The following ATN1 variants were observed in gnomAD, a reference collection of about 807,000 sequenced individuals.
ATN1 encodes atrophin 1, also known as atrophin-1.
ATN1 carries 19 observed loss-of-function variants against 85.8 expected under a neutral mutation model. The observed-to-expected ratio is 0.22, with a 90% confidence interval of 0.15 to 0.32. The LOEUF is 0.32. Ranked by LOEUF, ATN1 falls within the 10% of genes least tolerant of loss-of-function variation. The pLI, the probability that ATN1 is intolerant of heterozygous loss-of-function variation, is 1.00. For missense variants in ATN1, 1,453 were observed against 1,564.5 expected (o/e 0.93, Z 1.20); for synonymous variants, 674 against 657.0 (o/e 1.03, Z -0.39).
At position 6,936,503 on chromosome 12, in the gene ATN1, C is replaced by T. The variant is rs1555143696; in HGVS notation, c.1236C>T (p.Phe412=). The part of the protein sequence containing the change: ...SQALPSYPHS[F]PPPTSLSVSN... ...CATTGCCCAGCTACCCCCACTCTTT[C>T]CCTCCCCCAACAAGCCTCTCTGTCT... Residue 412 remains phenylalanine, a synonymous_variant, in exon 5 of 10, where the codon TTC becomes TTT. Coordinates refer to ENST00000396684, the MANE Select transcript of ATN1 (RefSeq NM_001940.4). 2.6e-6 allele frequency: 4 copies of T among 1,545,376 alleles called. No homozygotes were observed.
upstream of ATN1, among the ~76,000 whole-genome samples, chr12:6,924,944 CAACCCCCAAAGT>C (rs1168424668): frequency 6.6e-6 from 1 of 152,136 alleles, no homozygotes; most frequent in Non-Finnish European, 1.5e-5. Context: ...TCTGGCCCCC[CAACCCCCAAAGT>C]ATCGGGGTTG....
Position 6,934,244 on chromosome 12 carries a change from G to C in ATN1, c.96G>C (p.Arg32=). 1 of 1,587,320 alleles carries C rather than the reference G, an allele frequency of 6.3e-7. No homozygotes were observed. Among genetic ancestry groups the C allele is most frequent in the Non-Finnish European group, 8.5e-7 (1 of 1,173,524 alleles). ...GGGAAGAACTGAGATCGAGGGGCCG[G>C]GCCTCCCCTGGAGGGGTCAGCACGT... The part of the protein sequence containing the change: ...GPREELRSRG[R]ASPGGVSTSS... The change falls in exon 3 of 10, where the codon CGG becomes CGC. Residue 32 remains arginine, a synonymous_variant. Transcript: ENST00000396684. The surrounding 1 kb of genome is among the most constrained non-coding windows in gnomAD (Gnocchi z 4.5).
At chr12:6,925,141 T>TGTGTGTGA (rs1445451270), upstream of ATN1, among the ~76,000 whole-genome samples, 1,345 of 147,592 alleles carry the variant, frequency 9.1e-3, 13 homozygotes, top group African/African-American at 0.028. Flanking sequence ...TGTGTGTGTG[T>TGTGTGTGA]GAGAGAGAGA....
At chr12:6,926,530 A>G (rs1260718379), upstream of ATN1, among the ~76,000 whole-genome samples, 1 of 150,600 alleles carries the variant, frequency 6.6e-6, no homozygotes, top group Non-Finnish European at 1.5e-5. Flanking sequence ...GCTGGAGTGC[A>G]GTGGCGCGAT....
chr12:6,937,760 A>T lies in ATN1; in HGVS notation c.2295-85A>T. On this transcript the variant is annotated intron_variant, in intron 5 of 9. Transcript: ENST00000396684. This position sits in a 1 kb window ranked among gnomAD's most constrained non-coding sequence, Gnocchi z 6.0. ...CAGGGGTGGTTTTGAGGCGGGGGCT[A>T]CAAGCACTCGCCGGGGCCGCGGCGC... is the stretch of plus-strand genomic sequence containing the variant. 1 of 1,465,120 alleles carries T rather than the reference A, an allele frequency of 6.8e-7. No homozygotes were observed. The highest frequency in any genetic ancestry group is 9.0e-7 in the Non-Finnish European group (1 of 1,110,580). 90.8% of individuals were successfully genotyped at this position (1,465,120 alleles called of 1,614,324 possible).
upstream of ATN1, among the ~76,000 whole-genome samples, chr12:6,925,141 TGAGAGAGAGAGAGA>T (rs112382496): frequency 2.0e-5 from 3 of 147,552 alleles, no homozygotes; most frequent in African/African-American, 7.6e-5. Context: ...TGTGTGTGTG[TGAGAGAGAGAGAGA>T]GAGATGTCCC....
Position 6,938,520 on chromosome 12 carries a change from T to C in ATN1, c.2557T>C (p.Ser853Pro), listed in dbSNP as rs782740518. The C allele has an allele frequency of 1.9e-6, 3 of 1,613,486 alleles. No individual in the cohort carries two copies. The highest frequency in any genetic ancestry group is 1.7e-5 in the Admixed American group (1 of 60,016). The change falls in exon 7 of 10, where the codon TCT (serine) becomes CCT (proline). Residue 853 changes from serine (S) to proline (P), a missense_variant. Ser to Pro is a moderately conservative substitution (Grantham distance 74, BLOSUM62 -1). Around this residue, in one of 6 missense-constraint regions of ATN1, gnomAD observed 990 missense variants for 914.8 expected, o/e 1.08. Coordinates refer to ENST00000396684, the MANE Select transcript of ATN1 (RefSeq NM_001940.4). ...QEGRAPVECP[S>P]LGPVPHRPPF... ...GGGCCGTGCTCCGGTGGAATGCCCA[T>C]CTCTGGGCCCAGTGCCCCATCGCCC...
intron 1 of ATN1, among the ~76,000 whole-genome samples, chr12:6,930,689 A>G (rs1192478509): frequency 4.6e-5 from 7 of 152,064 alleles, no homozygotes; most frequent in African/African-American, 4.8e-5. Context: ...CCAGCTACTC[A>G]GGAGGCTGAG....
intron 7 of ATN1, 57 bp downstream of exon 7, chr12:6,939,234 CT>C: frequency 6.6e-7 from 1 of 1,518,530 alleles, no homozygotes; most frequent in East Asian, 2.4e-5. Flanking sequence ...CCTATCATGA[CT>C]GGGCTCTTTC....
In ATN1 at chr12:6,937,182, T is replaced by A. The variant is rs1466783462; in HGVS notation, c.1915T>A (p.Tyr639Asn). Residue 639 changes from tyrosine to asparagine, a missense_variant, in exon 5 of 10, where the codon TAC becomes AAC. Coordinates refer to ENST00000396684, the MANE Select transcript of ATN1 (RefSeq NM_001940.4). This position sits in a 1 kb window ranked among gnomAD's most constrained non-coding sequence, Gnocchi z 6.0. ...GGCCTCCCCACCTGGGCCCCCACCG[T>A]ACGGAAAGAGAGCCCCGTCCCCGGG... ...KTASPPGPPP[Y>N]GKRAPSPGAY... The A allele has an allele frequency of 3.7e-6, 6 of 1,610,892 alleles. No homozygotes were observed. In the African/African-American group the frequency reaches 8.0e-5, roughly 22 times the overall value.
chr12:6,930,749 C>T (rs1177724639), intron 1 of ATN1, among the ~76,000 whole-genome samples: 2 of 152,016 alleles, frequency 1.3e-5, no homozygotes, highest in Non-Finnish European at 2.9e-5. Flanking sequence ...TGAGCCGAGC[C>T]GAGATCGCGG....
At position 6,928,374 on chromosome 12, in the gene ATN1, G is replaced by A. The variant is rs1399033231; in HGVS notation, c.-173G>A. On this transcript the variant is annotated 5_prime_UTR_variant, in exon 1 of 10. Coordinates refer to ENST00000396684, the MANE Select transcript of ATN1 (RefSeq NM_001940.4). The stretch of plus-strand genomic sequence containing the variant: ...GCTCGGAGCCAGCCAGCCGTCCCGA[G>A]CTACCAGCAGGTAAGGTCTGCGGCC... 7.9e-5 allele frequency: 12 copies of A among 151,628 alleles called. No homozygotes were observed. The highest frequency in any genetic ancestry group is 6.6e-4 in the Admixed American group (10 of 15,240). The allele number at this position is 151,628 out of a possible 1,614,324, so 9.4% of individuals were successfully genotyped here.
chr12:6,930,919 C>A (rs181947485), intron 1 of ATN1, among the ~76,000 whole-genome samples: 58 of 152,258 alleles, frequency 3.8e-4, no homozygotes, highest in African/African-American at 1.1e-3. Context: ...TGATTGCCTG[C>A]TAGGAGTGTA....
At chr12:6,931,547 C>G (rs1487024106) in intron 1 of ATN1, among the ~76,000 whole-genome samples, 1 of 150,588 alleles carries the variant, frequency 6.6e-6, no homozygotes, top group African/African-American at 2.4e-5. Flanking sequence ...AACTCCGTCT[C>G]TACTAAAAAT....
At chr12:6,932,705 A>C (rs782547452) in intron 1 of ATN1, among the ~76,000 whole-genome samples, 67 of 152,228 alleles carry the variant, frequency 4.4e-4, no homozygotes, top group African/African-American at 1.6e-3. Flanking sequence ...TCATGTGAAA[A>C]CCCTGACTTT....
rs904813972 is a variant in ATN1 at position 6,941,213 on chromosome 12, G to A, written c.3359-161G>A. 6.6e-6 allele frequency among the ~76,000 whole-genome samples: 1 copy of A among 152,170 alleles called. No homozygotes were observed. Among genetic ancestry groups the A allele is most frequent in the Non-Finnish European group, 1.5e-5 (1 of 68,024 alleles). On this transcript the variant is annotated intron_variant, in intron 8 of 9. Transcript: ENST00000396684. This position sits in a 1 kb window ranked among gnomAD's most constrained non-coding sequence, Gnocchi z 5.9. ...GTTTTAGTGTCAGCCTAAGAGGTTCGAATCCCAATTCCACCCTACCACTGG... is the reference window on the plus strand; with the variant it reads ...GTTTTAGTGTCAGCCTAAGAGGTTCAAATCCCAATTCCACCCTACCACTGG...
In ATN1 at chr12:6,935,430, C is replaced by A; in HGVS notation, c.280-117C>A. The A allele has an allele frequency of 1.7e-6, 2 of 1,176,116 alleles. No individual in the cohort carries two copies. The highest frequency in any genetic ancestry group is 2.3e-6 in the Non-Finnish European group (2 of 852,894). The allele number at this position is 1,176,116 out of a possible 1,614,324, so 72.9% of individuals were successfully genotyped here. ...AGAGGTGGGCTTGAGCAAGAGTACT[C>A]ACCACATCACAGTACAACAGTGTGC... On this transcript the variant is annotated intron_variant, in intron 4 of 9. Transcript: ENST00000396684. The surrounding 1 kb of genome is among the most constrained non-coding windows in gnomAD (Gnocchi z 5.3).
rs781928351 is a variant in ATN1, at chr12:6,936,808, C to T, written c.1541C>T (p.Ala514Val). 2.9e-4 allele frequency: 474 copies of T among 1,613,026 alleles called. 6 individuals carry two copies. The South Asian group carries it at 5.0e-3, about 17-fold the overall frequency. Reference sequence around the variant, plus strand: ...AACTCTGGGCCCCCTCCTCCTGGAGCATTTCCCCACCCACTGGAGGGCGGT... The same window carrying T: ...AACTCTGGGCCCCCTCCTCCTGGAGTATTTCCCCACCCACTGGAGGGCGGT... ...HGNSGPPPPG[A>V]FPHPLEGGSS... is the part of the protein sequence containing the mutation. Residue 514 changes from alanine to valine, a missense_variant, in exon 5 of 10, where the codon GCA becomes GTA. This residue lies in a region of ATN1 where 990 missense variants were observed against 914.8 expected (regional missense o/e 1.08). Transcript: ENST00000396684.
chr12:6,931,979 G>A (rs1200449354), intron 1 of ATN1, among the ~76,000 whole-genome samples: 6 of 140,378 alleles, frequency 4.3e-5, no homozygotes, highest in Non-Finnish European at 1.5e-5. Context: ...AGGTTGCAGT[G>A]AGTGAGATCA....
Sources: gnomAD v4.1 joint callset for allele counts (sites outside exome capture counted in the v4.1 genomes callset) on GRCh38, gnomAD v4.1.1 for gene constraint, gnomAD v4.1.1 regional missense constraint, Gnocchi (gnomAD v3.1) non-coding constraint, MANE v1.5 for transcripts, NCBI Gene and HGNC (gene_info 2026-07-23, HGNC 2026-07-21) for gene names.